KIAA1217: variants seen among roughly 807,000 people sequenced by gnomAD.
KIAA1217 encodes the protein KIAA1217.
KIAA1217 carries 88 observed loss-of-function variants against 163.9 expected under a neutral mutation model. The observed-to-expected ratio is 0.54, with a 90% CI of 0.45 to 0.64. KIAA1217 has a LOEUF of 0.64. KIAA1217 is among the 30% of genes least tolerant of loss of function. The pLI, the probability that KIAA1217 is intolerant of heterozygous loss-of-function variation, is 0.00. For missense variants in KIAA1217, 2,372 were observed against 2,475.0 expected (o/e 0.96, Z 0.88); for synonymous variants, 903 against 923.1 (o/e 0.98, Z 0.39).
At chr10:24,535,766 G>C (rs959942834) in intron 16 of KIAA1217, among the ~76,000 whole-genome samples, 3 of 150,804 alleles carry the variant, frequency 2.0e-5, no homozygotes, top group African/African-American at 7.3e-5. Context: ...GACAGGGAGA[G>C]ACTCTGCCTC....
chr10:24,499,867 G>A (rs1339785611), intron 8 of KIAA1217, among the ~76,000 whole-genome samples: 1 of 152,232 alleles, frequency 6.6e-6, no homozygotes, highest in Non-Finnish European at 1.5e-5. Context: ...GGGGCTGGGA[G>A]ACTGGCCCTA....
intron 6 of KIAA1217, among the ~76,000 whole-genome samples, chr10:24,487,457 A>G: frequency 6.6e-6 from 1 of 152,266 alleles, no homozygotes; most frequent in East Asian, 1.9e-4. Flanking sequence ...GGCCATGAAG[A>G]AAATAAACAG....
intron 1 of KIAA1217, among the ~76,000 whole-genome samples, chr10:23,893,451 T>C (rs1841504464): frequency 6.6e-6 from 1 of 152,006 alleles, no homozygotes; most frequent in Non-Finnish European, 1.5e-5. Flanking sequence ...AGCTCCTGGA[T>C]TCTTTAATTT....
chr10:23,737,961 T>G (rs1021043421), intron 1 of KIAA1217, among the ~76,000 whole-genome samples: 1 of 152,126 alleles, frequency 6.6e-6, no homozygotes, highest in African/African-American at 2.4e-5. Context: ...GCTGATTTTT[T>G]TATAATATTC....
At chr10:23,915,443 C>G (rs1480452048) in intron 1 of KIAA1217, among the ~76,000 whole-genome samples, 10 of 151,988 alleles carry the variant, frequency 6.6e-5, no homozygotes, top group African/African-American at 2.4e-4. Context: ...TGGTAAAATG[C>G]TATTAGGAAT....
At chr10:23,848,359 G>A (rs1039722265) in intron 1 of KIAA1217, among the ~76,000 whole-genome samples, 1 of 151,968 alleles carries the variant, frequency 6.6e-6, no homozygotes, top group South Asian at 2.1e-4. Context: ...AAGTCTCTTT[G>A]TAGTCTGTAA....
At chr10:23,768,668 T>A (rs1834656232) in intron 1 of KIAA1217, among the ~76,000 whole-genome samples, 1 of 152,196 alleles carries the variant, frequency 6.6e-6, no homozygotes, top group Non-Finnish European at 1.5e-5. Flanking sequence ...ATGGAGCAAT[T>A]GGGCTTCACT....
intron 2 of KIAA1217, among the ~76,000 whole-genome samples, chr10:24,313,650 T>C (rs532125682): frequency 6.6e-4 from 101 of 152,222 alleles, no homozygotes; most frequent in African/African-American, 2.4e-3. Context: ...TTTTTGGGGA[T>C]ACCACCTGCA....
intron 1 of KIAA1217, among the ~76,000 whole-genome samples, chr10:23,797,144 A>T (rs1360930424): frequency 6.6e-6 from 1 of 152,138 alleles, no homozygotes; most frequent in Non-Finnish European, 1.5e-5. Flanking sequence ...TTTTAATACA[A>T]ATATTGTCCA....
At chr10:24,115,666 C>G (rs2063023429) in intron 2 of KIAA1217, among the ~76,000 whole-genome samples, 1 of 152,212 alleles carries the variant, frequency 6.6e-6, no homozygotes, top group Admixed American at 6.5e-5. Flanking sequence ...CTAAGAGCAG[C>G]TTCCTGCTCC....
At chr10:23,885,363 G>C (rs1841126559) in intron 1 of KIAA1217, among the ~76,000 whole-genome samples, 1 of 151,788 alleles carries the variant, frequency 6.6e-6, no homozygotes, top group Admixed American at 6.6e-5. Context: ...TAGAACTCTA[G>C]AGCTTATGTA....
At chr10:24,426,641 C>A (rs1006109504) in intron 3 of KIAA1217, among the ~76,000 whole-genome samples, 2 of 151,984 alleles carry the variant, frequency 1.3e-5, no homozygotes, top group African/African-American at 4.8e-5. Flanking sequence ...AAAAGTCATG[C>A]TTGCAGTCTC....
chr10:24,331,043 A>G (rs2045605250), intron 2 of KIAA1217, among the ~76,000 whole-genome samples: 1 of 151,138 alleles, frequency 6.6e-6, no homozygotes, highest in South Asian at 2.1e-4. Context: ...TTCTGAACCC[A>G]AGTAATCCTC....
At position 24,438,368 on chromosome 10, in the gene KIAA1217, C is replaced by G. The variant is rs969334522; in HGVS notation, c.753-18C>G. ...GGCTTCTTTCATCTGCCATAGTTATCGATGTTTTTGATTCCAGGAACATTC... is the reference window on the plus strand; with the variant it reads ...GGCTTCTTTCATCTGCCATAGTTATGGATGTTTTTGATTCCAGGAACATTC... On this transcript the variant is annotated intron_variant, in intron 4 of 20. Transcript: ENST00000376454. 6.4e-7 allele frequency: 1 copy of G among 1,568,434 alleles called. No individual in the cohort carries two copies. The highest frequency in any genetic ancestry group is 1.7e-5 in the Admixed American group (1 of 59,870).
At chr10:24,515,864 G>T (rs74328585) in intron 10 of KIAA1217, among the ~76,000 whole-genome samples, 2,663 of 152,280 alleles carry the variant, frequency 0.017, 61 homozygotes, top group East Asian at 0.076. Flanking sequence ...TTGGGACCAG[G>T]AATTCAAGAA....
chr10:23,885,307 A>G (rs1389210637), intron 1 of KIAA1217, among the ~76,000 whole-genome samples: 1 of 151,894 alleles, frequency 6.6e-6, no homozygotes, highest in Non-Finnish European at 1.5e-5. Flanking sequence ...AGCAGATTTA[A>G]ACTCTACGGT....
At chr10:24,253,854 G>A (rs1242052497) in intron 2 of KIAA1217, among the ~76,000 whole-genome samples, 1 of 152,082 alleles carries the variant, frequency 6.6e-6, no homozygotes, top group Non-Finnish European at 1.5e-5. Context: ...GGTTGAGGCT[G>A]CAGTGAGCCA....
chr10:23,893,280 G>C (rs1245711679), intron 1 of KIAA1217, among the ~76,000 whole-genome samples: 1 of 152,070 alleles, frequency 6.6e-6, no homozygotes, highest in Non-Finnish European at 1.5e-5. Flanking sequence ...TATTTGCATA[G>C]AGGTGTTTGT....
intron 1 of KIAA1217, among the ~76,000 whole-genome samples, chr10:23,725,298 T>A (rs7919598): frequency 0.22 from 33,264 of 152,122 alleles, 3,893 homozygotes; most frequent in African/African-American, 0.29. Context: ...CCAAGAGTGG[T>A]CTGTGAGAAA....
Sources: gnomAD v4.1 joint callset for allele counts (sites outside exome capture counted in the v4.1 genomes callset) on GRCh38, gnomAD v4.1.1 for gene constraint, MANE v1.5 for transcripts, NCBI Gene and HGNC (gene_info 2026-07-23, HGNC 2026-07-21) for gene names.